Variants in SRGAP3 observed in about 807,000 individuals in gnomAD.
The protein encoded by SRGAP3 is SLIT-ROBO Rho GTPase-activating protein 3.
A neutral mutation model predicts 121.1 loss-of-function variants in SRGAP3; 39 were observed. The observed-to-expected ratio is 0.32, with a 90% CI of 0.25 to 0.42. SRGAP3 has a LOEUF of 0.42. SRGAP3 is among the 10% of genes least tolerant of loss of function. The probability of loss-of-function intolerance (pLI) is 1.00; values close to 1 mark genes in which losing one functional copy is unlikely to be tolerated. For missense variants in SRGAP3, 1,213 were observed against 1,470.6 expected, an observed-to-expected ratio of 0.82 and a Z score of 2.86; for synonymous variants, 601 against 570.0, an observed-to-expected ratio of 1.05 and a Z score of -0.77.
chr3:9,348,460 G>C, intron 1 of SRGAP3: 1 of 675,236 alleles, frequency 1.5e-6, no homozygotes, highest in Non-Finnish European at 2.8e-6. Flanking sequence ...CCTACAAATT[G>C]GTGTTGATCC....
chr3:9,322,036 T>C (rs1237941785), intron 3 of SRGAP3, among the ~76,000 whole-genome samples: 1 of 151,296 alleles, frequency 6.6e-6, no homozygotes, highest in African/African-American at 2.4e-5. Flanking sequence ...GGCAAGTAAG[T>C]AGGATAGGAG....
chr3:9,335,896 T>C (rs1955685360), intron 1 of SRGAP3, among the ~76,000 whole-genome samples: 1 of 152,148 alleles, frequency 6.6e-6, no homozygotes, highest in African/African-American at 2.4e-5. Flanking sequence ...GTCTCTTGCT[T>C]ATCCAGCCTT....
At chr3:9,187,747 T>G (rs1951642124) in intron 1 of SRGAP3, among the ~76,000 whole-genome samples, 1 of 152,046 alleles carries the variant, frequency 6.6e-6, no homozygotes. Flanking sequence ...TCCACCAGGG[T>G]CTTACCCTCA....
intron 1 of SRGAP3, among the ~76,000 whole-genome samples, chr3:9,231,225 A>T (rs535274274): frequency 6.6e-6 from 1 of 152,190 alleles, no homozygotes. Flanking sequence ...TCTGACAAAC[A>T]ATAGTGTAAC....
At chr3:9,341,454 C>T (rs1161395890) in intron 1 of SRGAP3, among the ~76,000 whole-genome samples, 3 of 152,144 alleles carry the variant, frequency 2.0e-5, no homozygotes, top group Non-Finnish European at 2.9e-5. Context: ...GAAATAAATA[C>T]CCAGGAGAAG....
At chr3:9,033,371 A>G (rs2125094893) in intron 11 of SRGAP3, 1 of 153,840 alleles carries the variant, frequency 6.5e-6, no homozygotes, top group Middle Eastern at 3.4e-3. Flanking sequence ...ACCCCAGGAT[A>G]ATGGTAATAT....
intron 4 of SRGAP3, among the ~76,000 whole-genome samples, chr3:9,066,787 C>T (rs927306309): frequency 3.9e-5 from 6 of 152,244 alleles, no homozygotes; most frequent in African/African-American, 1.4e-4. Context: ...GCGTGAGCCA[C>T]CACGCCCAGG....
chr3:9,301,360 G>A (rs192091629), intron 3 of SRGAP3, among the ~76,000 whole-genome samples: 40 of 152,348 alleles, frequency 2.6e-4, no homozygotes, highest in African/African-American at 9.1e-4. Flanking sequence ...CGCCTGCCCA[G>A]ATGGGTGGCC....
At chr3:9,342,784 C>G (rs1249217698) in intron 1 of SRGAP3, among the ~76,000 whole-genome samples, 1 of 152,238 alleles carries the variant, frequency 6.6e-6, no homozygotes, top group Non-Finnish European at 1.5e-5. Flanking sequence ...TTCACTCACC[C>G]TTGAACTTTG....
intron 12 of SRGAP3, among the ~76,000 whole-genome samples, chr3:9,029,803 A>T (rs190052481): frequency 6.6e-6 from 1 of 152,268 alleles, no homozygotes; most frequent in East Asian, 1.9e-4. Context: ...GAGTTTATTG[A>T]ACTGTGCTGA....
intron 21 of SRGAP3, among the ~76,000 whole-genome samples, chr3:8,987,914 C>G (rs536705306): frequency 6.6e-6 from 1 of 152,226 alleles, no homozygotes; most frequent in East Asian, 1.9e-4. Flanking sequence ...AAGGAAGCCC[C>G]CTATTGACCT....
rs1953537828 is a variant in SRGAP3 at position 9,239,258 on chromosome 3, T to C, written c.67+9627A>G. On this transcript the variant is annotated intron_variant, in intron 1 of 21. Coordinates refer to ENST00000383836, the MANE Select transcript of SRGAP3 (RefSeq NM_014850.4). The surrounding 1 kb of genome is among the most constrained non-coding windows in gnomAD (Gnocchi z 4.0). The stretch of plus-strand genomic sequence containing the variant: ...AGCTGGACGTAGTGGCTGGCACCTG[T>C]AATCCCAGCTACTTGGGAGGCTGAG... Among the ~76,000 whole-genome samples, 1 of 152,118 alleles carries C rather than the reference T, an allele frequency of 6.6e-6. No individual in the cohort carries two copies. The highest frequency in any genetic ancestry group is 6.5e-5 in the Admixed American group (1 of 15,270).
At chr3:9,348,731 C>G in intron 1 of SRGAP3, 1 of 1,289,860 alleles carries the variant, frequency 7.8e-7, no homozygotes. Flanking sequence ...TCTGATCGGT[C>G]TCAATAAAGC....
In SRGAP3 at chr3:9,027,015, T is replaced by G. The variant is rs200986483; in HGVS notation, c.1540-20A>C. On this transcript the variant is annotated intron_variant, in intron 12 of 21. Transcript: ENST00000383836. Reference sequence around the variant, plus strand: ...TGAATCCTTGAGAAAAGAAAAATTGTGAGTTTTATGGGGCTTGACAACCAC... The same window carrying G: ...TGAATCCTTGAGAAAAGAAAAATTGGGAGTTTTATGGGGCTTGACAACCAC... The G allele has an allele frequency of 3.8e-5, 62 of 1,613,090 alleles. No individual in the cohort carries two copies. Among genetic ancestry groups the G allele is most frequent in the Non-Finnish European group, 4.9e-5 (58 of 1,179,218 alleles).
At chr3:9,136,587 A>G (rs1414123158) in intron 1 of SRGAP3, among the ~76,000 whole-genome samples, 1 of 152,194 alleles carries the variant, frequency 6.6e-6, no homozygotes, top group Non-Finnish European at 1.5e-5. Flanking sequence ...ATTCTTTATT[A>G]ACCTTTATCA....
chr3:9,346,406 C>T (rs2125292439), intron 1 of SRGAP3, among the ~76,000 whole-genome samples: 1 of 152,188 alleles, frequency 6.6e-6, no homozygotes, highest in Middle Eastern at 3.4e-3. Context: ...GCATGCCAGA[C>T]TTGTTTTTCT....
intron 1 of SRGAP3, among the ~76,000 whole-genome samples, chr3:9,154,863 C>CT (rs55893707): frequency 0.075 from 10,729 of 143,308 alleles, 698 homozygotes; most frequent in African/African-American, 0.19. Flanking sequence ...CTCTCTAGAA[C>CT]TTTTTTTTTT....
chr3:9,171,157 GA>G (rs1950963538), intron 1 of SRGAP3, among the ~76,000 whole-genome samples: 1 of 152,204 alleles, frequency 6.6e-6, no homozygotes, highest in Non-Finnish European at 1.5e-5. Context: ...ATGAGAACCT[GA>G]AAAAGTCCTG....
intron 13 of SRGAP3, among the ~76,000 whole-genome samples, chr3:9,026,449 C>T (rs911393872): frequency 3.3e-5 from 5 of 152,118 alleles, no homozygotes; most frequent in African/African-American, 9.7e-5. Flanking sequence ...GAGGAATGAA[C>T]GAGTGGATAA....
Sources: allele counts gnomAD v4.1 joint callset (sites outside exome capture counted in the v4.1 genomes callset), GRCh38; gene constraint gnomAD v4.1.1; non-coding constraint Gnocchi (gnomAD v3.1); transcripts MANE v1.5; gene names NCBI Gene and HGNC (gene_info 2026-07-23, HGNC 2026-07-21).